Variants in TANC2 observed in about 807,000 individuals in gnomAD.
TANC2 encodes the protein protein TANC2.
In TANC2, 26 loss-of-function variants were observed where a neutral mutation model predicts 210.5. The ratio of observed to expected loss-of-function variants is 0.12; its 90% confidence interval spans 0.09 to 0.17. TANC2 has a LOEUF of 0.17. Among genes scored for constraint, TANC2 ranks in the 10% least tolerant of loss-of-function variants. The pLI, the probability that TANC2 is intolerant of heterozygous loss-of-function variation, is 1.00. For synonymous variants in TANC2, 931 were observed against 967.1 expected (o/e 0.96, Z 0.69); for missense variants, 2,129 against 2,608.9 (o/e 0.82, Z 4.01).
intron 7 of TANC2, among the ~76,000 whole-genome samples, chr17:63,234,734 A>G (rs1361836616): frequency 2.0e-5 from 3 of 152,214 alleles, no homozygotes; most frequent in Non-Finnish European, 4.4e-5. Flanking sequence ...TACATCTACA[A>G]AAGAGTTAAG....
At chr17:63,084,321 G>GTGA (rs1454437435) in intron 3 of TANC2, among the ~76,000 whole-genome samples, 2 of 151,964 alleles carry the variant, frequency 1.3e-5, no homozygotes, top group Non-Finnish European at 2.9e-5. Context: ...GAAATCTGTG[G>GTGA]TGATACCCCT....
At chr17:63,405,215 C>T in exon 20 of TANC2, 2 of 1,608,288 alleles carry the variant, frequency 1.2e-6, no homozygotes, top group Non-Finnish European at 1.7e-6. Flanking sequence ...CGCCGAGGAG[C>T]AGTGCCACTA....
chr17:63,208,814 T>C (rs1177833203), intron 7 of TANC2, among the ~76,000 whole-genome samples: 1 of 152,190 alleles, frequency 6.6e-6, no homozygotes, highest in Non-Finnish European at 1.5e-5. Flanking sequence ...ACTTCTTACC[T>C]ATTGCATAGA....
At chr17:63,105,458 T>C (rs370514518) in intron 4 of TANC2, among the ~76,000 whole-genome samples, 2 of 151,752 alleles carry the variant, frequency 1.3e-5, no homozygotes, top group East Asian at 1.9e-4. Flanking sequence ...CTACATAGTC[T>C]GATATATTTT....
chr17:63,165,796 A>G (rs368447824), intron 5 of TANC2, among the ~76,000 whole-genome samples: 13 of 152,374 alleles, frequency 8.5e-5, no homozygotes, highest in African/African-American at 3.1e-4. Context: ...AATCCAGGCC[A>G]ATAAGGGAAT....
intron 14 of TANC2, among the ~76,000 whole-genome samples, chr17:63,365,058 A>G (rs2047069927): frequency 6.6e-6 from 1 of 152,204 alleles, no homozygotes. Context: ...TCTCCGAAGC[A>G]ATACTGGCTG....
chr17:63,123,317 G>A (rs1372480943), intron 4 of TANC2, among the ~76,000 whole-genome samples: 1 of 152,108 alleles, frequency 6.6e-6, no homozygotes, highest in Non-Finnish European at 1.5e-5. Flanking sequence ...CAGCACTTTG[G>A]GAGGCTGAGG....
chr17:63,212,683 C>T (rs2041921086), intron 7 of TANC2, among the ~76,000 whole-genome samples: 1 of 152,182 alleles, frequency 6.6e-6, no homozygotes, highest in African/African-American at 2.4e-5. Context: ...ACTCCCACTT[C>T]AGCCTCTCAA....
chr17:63,207,211 CTTTTTT>C lies in TANC2; in HGVS notation c.769+6271_769+6276del, dbSNP rs948663767. 2.9e-3 allele frequency among the ~76,000 whole-genome samples: 326 copies of C among 113,780 alleles called. 2 individuals carry two copies. Among genetic ancestry groups the C allele is most frequent in the African/African-American group, 0.011 (317 of 28,068 alleles). 74.6% of individuals were successfully genotyped at this position (113,780 alleles called of 152,430 possible). A position where few individuals can be genotyped will look rare whatever the true frequency, so the allele number is the denominator to read the frequency against. On this transcript the variant is annotated intron_variant, in intron 7 of 27. Transcript: ENST00000689528. ...ATTTATGCAAATTTCTTTTTTTTTC[CTTTTTT>C]TTTTTTTTTTTTTTTTGAGACAGAG...
intron 4 of TANC2, among the ~76,000 whole-genome samples, chr17:63,144,584 T>C (rs1274883335): frequency 6.6e-6 from 1 of 152,204 alleles, no homozygotes; most frequent in African/African-American, 2.4e-5. Flanking sequence ...ACAGTTTTTA[T>C]ATGAAATTTG....
At chr17:62,970,364 G>A (rs2031624150) in intron 1 of TANC2, among the ~76,000 whole-genome samples, 1 of 152,130 alleles carries the variant, frequency 6.6e-6, no homozygotes. Context: ...GTTCATTTTA[G>A]CATACTTCAC....
At chr17:63,382,377 AAAAGATC>A (rs2047640699) in intron 15 of TANC2, among the ~76,000 whole-genome samples, 1 of 152,208 alleles carries the variant, frequency 6.6e-6, no homozygotes, top group Non-Finnish European at 1.5e-5. Context: ...GAGTCACTGA[AAAAGATC>A]AAAGCTACCA....
At chr17:63,008,234 G>A (rs2033711520) in intron 1 of TANC2, among the ~76,000 whole-genome samples, 1 of 151,900 alleles carries the variant, frequency 6.6e-6, no homozygotes, top group South Asian at 2.1e-4. Context: ...TTTAATTAAT[G>A]TTAGACAATT....
chr17:63,344,479 G>A (rs1318607277), intron 12 of TANC2, among the ~76,000 whole-genome samples: 2 of 152,170 alleles, frequency 1.3e-5, no homozygotes, highest in African/African-American at 2.4e-5. Flanking sequence ...TCATTCCACT[G>A]GTGGTCCAGG....
chr17:63,332,352 T>C (rs1332408281), intron 11 of TANC2: 1 of 311,360 alleles, frequency 3.2e-6, no homozygotes, highest in Middle Eastern at 9.0e-4. Context: ...ATTGGGTGAA[T>C]TTTCTACAGT....
At chr17:63,039,289 T>C (rs1373555901) in intron 2 of TANC2, among the ~76,000 whole-genome samples, 1 of 152,210 alleles carries the variant, frequency 6.6e-6, no homozygotes, top group African/African-American at 2.4e-5. Flanking sequence ...TCTTCATGAT[T>C]AAAAAATTCA....
chr17:62,999,612 AT>A (rs1188473473), intron 1 of TANC2, among the ~76,000 whole-genome samples: 1 of 150,278 alleles, frequency 6.7e-6, no homozygotes, highest in African/African-American at 2.5e-5. Flanking sequence ...ACATTATGAG[AT>A]TTTTTTTGTA....
chr17:63,375,238 A>G (rs1305949720), intron 14 of TANC2, among the ~76,000 whole-genome samples: 1 of 152,202 alleles, frequency 6.6e-6, no homozygotes, highest in Non-Finnish European at 1.5e-5. Context: ...TTTTAGTAAT[A>G]ATGTAGCATG....
rs145401069 is a variant in TANC2, at chr17:63,314,085, G to GT, written c.1160-302dup. 8.4e-3 allele frequency among the ~76,000 whole-genome samples: 1,280 copies of GT among 152,304 alleles called. 15 individuals are homozygous for GT. Among genetic ancestry groups the GT allele is most frequent in the African/African-American group, 0.028 (1,172 of 41,562 alleles). On this transcript the variant is annotated intron_variant, in intron 9 of 27. Transcript: ENST00000689528. ...AGGCTTGCATCCGTAGTGATTGCTG[G>GT]TGCTTGGGCCATCCCTTCCCTGTAA...
Sources: allele counts gnomAD v4.1 joint callset (sites outside exome capture counted in the v4.1 genomes callset), GRCh38; gene constraint gnomAD v4.1.1; transcripts MANE v1.5; gene names NCBI Gene and HGNC (gene_info 2026-07-23, HGNC 2026-07-21).